SNTG1: variants seen among roughly 807,000 people sequenced by gnomAD.
The protein encoded by SNTG1 is gamma-1-syntrophin.
In SNTG1, 39 loss-of-function variants were observed where a neutral mutation model predicts 74.7. The ratio of observed to expected loss-of-function variants is 0.52; its 90% CI spans 0.40 to 0.68. The LOEUF (loss-of-function observed/expected upper bound fraction) is 0.68. Among genes scored for constraint, SNTG1 ranks in the 30% least tolerant of loss-of-function variants. The pLI is 0.00. For synonymous variants in SNTG1, 254 were observed against 217.1 expected (o/e 1.17, Z -1.49); for missense variants, 685 against 609.5 (o/e 1.12, Z -1.30).
intron 17 of SNTG1, among the ~76,000 whole-genome samples, chr8:50,709,711 C>A (rs1037498286): frequency 5.3e-5 from 8 of 152,180 alleles, no homozygotes; most frequent in African/African-American, 1.9e-4. Context: ...CTGCTAATCT[C>A]CTTCTAGTCA....
At chr8:50,294,926 C>A (rs529921187) in intron 2 of SNTG1, among the ~76,000 whole-genome samples, 7 of 152,262 alleles carry the variant, frequency 4.6e-5, no homozygotes, top group East Asian at 3.9e-4. Context: ...CAGAGCCGGA[C>A]AACGAGCACT....
chr8:50,048,093 T>C (rs1311354396), intron 1 of SNTG1, among the ~76,000 whole-genome samples: 1 of 152,154 alleles, frequency 6.6e-6, no homozygotes, highest in Non-Finnish European at 1.5e-5. Context: ...ATTTTTTGTG[T>C]TGGCATCCAT....
chr8:50,734,963 A>ATATG (rs1563792861), intron 17 of SNTG1, among the ~76,000 whole-genome samples: 6 of 60,632 alleles, frequency 9.9e-5, no homozygotes, highest in Admixed American at 4.3e-4. Flanking sequence ...ATATCTATAT[A>ATATG]TCCATATATA....
In SNTG1 at chr8:50,492,733, T is replaced by C. The variant is rs574953458; in HGVS notation, c.364-10045T>C. On this transcript the variant is annotated intron_variant, in intron 8 of 18. Transcript: ENST00000642720. Reference sequence around the variant, plus strand: ...CTTTGGCTGTGCAGAAGCTCTTTAGTTTAATGAGACGTATTTGTCAATTTT... The same window carrying C: ...CTTTGGCTGTGCAGAAGCTCTTTAGCTTAATGAGACGTATTTGTCAATTTT... Among the ~76,000 whole-genome samples the C allele has an allele frequency of 3.3e-5, 5 of 152,350 alleles. No homozygotes were observed. In the South Asian group the frequency reaches 1.0e-3, roughly 32 times the overall value.
chr8:50,227,120 C>T (rs2085368580), intron 2 of SNTG1, among the ~76,000 whole-genome samples: 2 of 152,036 alleles, frequency 1.3e-5, no homozygotes, highest in South Asian at 4.1e-4. Flanking sequence ...CCAGTTTTAT[C>T]ATCAATATAA....
intron 12 of SNTG1, among the ~76,000 whole-genome samples, chr8:50,589,545 G>T (rs2094678102): frequency 6.6e-6 from 1 of 150,442 alleles, no homozygotes; most frequent in South Asian, 2.1e-4. Flanking sequence ...TTTCATAGCT[G>T]ATCTTCAAGT....
intron 1 of SNTG1, among the ~76,000 whole-genome samples, chr8:50,094,021 A>C (rs1482182669): frequency 6.6e-6 from 1 of 152,278 alleles, no homozygotes; most frequent in East Asian, 1.9e-4. Flanking sequence ...ATTTATGTAT[A>C]TATTTTAGGA....
chr8:50,707,331 T>A (rs2095446617), intron 16 of SNTG1, among the ~76,000 whole-genome samples: 1 of 152,138 alleles, frequency 6.6e-6, no homozygotes. Context: ...CATTCCTTAA[T>A]GTTGATAATA....
Position 50,148,281 on chromosome 8 carries a change from G to C in SNTG1, c.-102-24280G>C, listed in dbSNP as rs574280173. 3.3e-5 allele frequency among the ~76,000 whole-genome samples: 5 copies of C among 152,232 alleles called. No individual in the cohort carries two copies. In the South Asian group the frequency reaches 1.0e-3, roughly 32 times the overall value. ...TGCAGAGGAATTCAGAATAATATAT[G>C]TTGATATACCTCCTTTCAAGAAGTG... On this transcript the variant is annotated intron_variant, in intron 1 of 18. Transcript: ENST00000642720.
At chr8:49,954,948 C>A (rs553143978) in intron 1 of SNTG1, among the ~76,000 whole-genome samples, 30 of 152,246 alleles carry the variant, frequency 2.0e-4, no homozygotes, top group African/African-American at 6.5e-4. Context: ...GTTTAACTGG[C>A]ATCTATTTAA....
At chr8:50,572,031 T>C (rs1585722031) in intron 12 of SNTG1, among the ~76,000 whole-genome samples, 1 of 152,230 alleles carries the variant, frequency 6.6e-6, no homozygotes, top group East Asian at 1.9e-4. Context: ...TACTGGCTAA[T>C]AATATACCAA....
intron 1 of SNTG1, among the ~76,000 whole-genome samples, chr8:50,029,401 C>T (rs1457247150): frequency 3.3e-5 from 5 of 152,064 alleles, no homozygotes; most frequent in Non-Finnish European, 7.4e-5. Context: ...TTATTATCAA[C>T]TAAAGTCACT....
intron 8 of SNTG1, among the ~76,000 whole-genome samples, chr8:50,454,765 C>T (rs964637211): frequency 6.9e-6 from 1 of 145,888 alleles, no homozygotes; most frequent in Non-Finnish European, 1.5e-5. Flanking sequence ...TTGTTTGAAC[C>T]CAGGAGGCAA....
chr8:50,118,297 C>T (rs1246326720), intron 1 of SNTG1, among the ~76,000 whole-genome samples: 2 of 149,246 alleles, frequency 1.3e-5, no homozygotes, highest in African/African-American at 5.2e-5. Flanking sequence ...TCATTTTTCC[C>T]CTTCAGGTTT....
At chr8:50,071,903 A>AATAAAAT (rs2131008171) in intron 1 of SNTG1, among the ~76,000 whole-genome samples, 1 of 152,034 alleles carries the variant, frequency 6.6e-6, no homozygotes, top group South Asian at 2.1e-4. Flanking sequence ...AAGCATCAGG[A>AATAAAAT]ATAAAATATA....
chr8:50,376,756 T>TATATATATATATAGAGAGAGAGAGAG (rs1381048539), intron 2 of SNTG1, among the ~76,000 whole-genome samples: 2 of 89,958 alleles, frequency 2.2e-5, no homozygotes, highest in African/African-American at 4.1e-5. Flanking sequence ...TATATATATA[T>TATATATATATATAGAGAGAGAGAGAG]AGAGAGAGAG....
At chr8:50,379,033 G>A (rs140347988) in intron 2 of SNTG1, among the ~76,000 whole-genome samples, 1 of 152,232 alleles carries the variant, frequency 6.6e-6, no homozygotes, top group East Asian at 1.9e-4. Context: ...TCTGCATTCT[G>A]CAGCTGTTCA....
At chr8:50,583,616 T>C (rs2094626573) in intron 12 of SNTG1, among the ~76,000 whole-genome samples, 1 of 151,962 alleles carries the variant, frequency 6.6e-6, no homozygotes, top group South Asian at 2.1e-4. Context: ...ATGTTTCTTA[T>C]GCAGTAATAC....
rs577592435 is a variant in SNTG1, at chr8:50,017,645, G to A, written c.-103+105414G>A. ...CAATATCAGGCAACATAGACTTTAA[G>A]ATAAAATGTTATAAGAGTCAAAAAA... On this transcript the variant is annotated intron_variant, in intron 1 of 18. Coordinates refer to ENST00000642720, the MANE Select transcript of SNTG1 (RefSeq NM_018967.5). 2.0e-5 allele frequency among the ~76,000 whole-genome samples: 3 copies of A among 151,968 alleles called. No individual in the cohort carries two copies. In the South Asian group the frequency reaches 6.2e-4, roughly 32 times the overall value.
Sources: gnomAD v4.1 joint callset for allele counts (sites outside exome capture counted in the v4.1 genomes callset) on GRCh38, gnomAD v4.1.1 for gene constraint, MANE v1.5 for transcripts, NCBI Gene and HGNC (gene_info 2026-07-23, HGNC 2026-07-21) for gene names.